The following LRRN2 variants were observed in gnomAD, a reference collection of about 807,000 sequenced individuals.
LRRN2 encodes leucine-rich repeat neuronal protein 2.
In LRRN2, 10 loss-of-function variants were observed where a neutral mutation model predicts 35.7. That is an observed-to-expected ratio of 0.28 (90% CI 0.17 to 0.47). The LOEUF is 0.47. LRRN2 is among the 20% of genes least tolerant of loss of function. LRRN2 has a pLI of 0.99. For missense variants in LRRN2, 731 were observed against 940.3 expected (o/e 0.78, Z 2.91); for synonymous variants, 391 against 409.6 (o/e 0.95, Z 0.55).
chr1:204,618,081 C>T lies in LRRN2; in HGVS notation c.1912G>A (p.Ala638Thr), dbSNP rs758864245. The change falls in exon 2 of 2, where the codon GCT becomes ACT. Residue 638 changes from alanine to threonine, a missense_variant. Coordinates refer to ENST00000367177, the MANE Select transcript of LRRN2 (RefSeq NM_201630.2). ...AGCCCAGCTGCCAGGAGAAGGACAGCGAGAGCCAGGATGGCAATGAGCCCA... is the reference window on the plus strand; with the variant it reads ...AGCCCAGCTGCCAGGAGAAGGACAGTGAGAGCCAGGATGGCAATGAGCCCA... ...RPGLIAILAL[A>T]VLLLAAGLAA... The T allele has an allele frequency of 1.9e-5, 30 of 1,613,914 alleles. No individual in the cohort carries two copies. The highest frequency in any genetic ancestry group is 4.5e-5 in the East Asian group (2 of 44,874).
intron 1 of LRRN2, among the ~76,000 whole-genome samples, chr1:204,652,264 C>CCCCCCCCG (rs1668248857): frequency 9.5e-5 from 1 of 10,544 alleles, no homozygotes; most frequent in Non-Finnish European, 2.6e-4. Context: ...TTCACCGCCC[C>CCCCCCCCG]CCCCCCGCCC....
At chr1:204,629,700 T>C in intron 1 of LRRN2, 1 of 167,192 alleles carries the variant, frequency 6.0e-6, no homozygotes, top group Non-Finnish European at 1.3e-5. Context: ...ATTAAACCTC[T>C]TTTTCTTCCC....
chr1:204,632,919 G>A (rs1439474454), intron 1 of LRRN2, among the ~76,000 whole-genome samples: 1 of 150,840 alleles, frequency 6.6e-6, no homozygotes, highest in Non-Finnish European at 1.5e-5. Context: ...GGGCGACAGA[G>A]CGAGACTCTG....
chr1:204,676,511 T>A (rs1239281146), intron 1 of LRRN2, among the ~76,000 whole-genome samples: 1 of 152,068 alleles, frequency 6.6e-6, no homozygotes, highest in East Asian at 1.9e-4. Context: ...TCTGTTCTCA[T>A]CTCTGCAAGA....
At chr1:204,669,723 C>T (rs1668666400) in intron 1 of LRRN2, among the ~76,000 whole-genome samples, 1 of 127,790 alleles carries the variant, frequency 7.8e-6, no homozygotes. Flanking sequence ...GGCCATGAGG[C>T]CAAAAGGAGC....
rs1666763990 is a variant in LRRN2 at position 204,620,079 on chromosome 1, G to A, written c.-87C>T. ...TTGCAGGGTAAGGGTCAGCAACCCTGCCAGGGCCCAAGGAACCACCCTCCC... is the reference window on the plus strand; with the variant it reads ...TTGCAGGGTAAGGGTCAGCAACCCTACCAGGGCCCAAGGAACCACCCTCCC... On this transcript the variant is annotated 5_prime_UTR_variant, in exon 2 of 2. The change creates a premature stop within an existing upstream ORF in the 5' untranslated region. Coordinates refer to ENST00000367177, the MANE Select transcript of LRRN2 (RefSeq NM_201630.2). 1 of 1,501,094 alleles carries A rather than the reference G, an allele frequency of 6.7e-7. No homozygotes were observed. The highest frequency in any genetic ancestry group is 8.9e-7 in the Non-Finnish European group (1 of 1,122,204). 93.0% of individuals were successfully genotyped at this position (1,501,094 alleles called of 1,614,324 possible).
intron 1 of LRRN2, among the ~76,000 whole-genome samples, chr1:204,653,879 A>G (rs1668287132): frequency 6.6e-6 from 1 of 151,030 alleles, no homozygotes; most frequent in African/African-American, 2.4e-5. Flanking sequence ...AAAAAAAAGA[A>G]AAACTATTTA....
intron 1 of LRRN2, among the ~76,000 whole-genome samples, chr1:204,644,612 C>T (rs1349559548): frequency 6.6e-6 from 1 of 152,224 alleles, no homozygotes; most frequent in Non-Finnish European, 1.5e-5. Context: ...CTTTGTGACA[C>T]CTTCCTTCTC....
chr1:204,619,554 A>G lies in LRRN2; in HGVS notation c.439T>C (p.Tyr147His), dbSNP rs1241402552. The change falls in exon 2 of 2, where the codon TAT becomes CAT. Residue 147 changes from tyrosine to histidine, a missense_variant. Transcript: ENST00000367177. ...CGGTAGAGCTGGTTGTGGTTGAGATAGAGTTCCTGTAGGCTGGCCAGCCCT... is the reference window on the plus strand; with the variant it reads ...CGGTAGAGCTGGTTGTGGTTGAGATGGAGTTCCTGTAGGCTGGCCAGCCCT... ...FAGLASLQEL[Y>H]LNHNQLYRIA... The G allele has an allele frequency of 6.2e-7, 1 of 1,614,216 alleles. No homozygotes were observed. Among genetic ancestry groups the G allele is most frequent in the Non-Finnish European group, 8.5e-7 (1 of 1,180,036 alleles).
At chr1:204,625,708 T>A (rs1181484275) in intron 1 of LRRN2, among the ~76,000 whole-genome samples, 3 of 152,190 alleles carry the variant, frequency 2.0e-5, no homozygotes, top group Non-Finnish European at 2.9e-5. Context: ...TCCTTTTCCA[T>A]GACAAGTTGG....
At chr1:204,680,003 A>G (rs1040055215) in intron 1 of LRRN2, among the ~76,000 whole-genome samples, 58 of 152,272 alleles carry the variant, frequency 3.8e-4, no homozygotes, top group African/African-American at 1.4e-3. Flanking sequence ...AATGGGCTGG[A>G]TGTCCCAGAG....
chr1:204,651,976 C>T (rs1668234995), intron 1 of LRRN2, among the ~76,000 whole-genome samples: 1 of 152,262 alleles, frequency 6.6e-6, no homozygotes, highest in African/African-American at 2.4e-5. Context: ...CCAGGTGTCT[C>T]CCAGTGCCCG....
chr1:204,654,114 C>T (rs145498060), intron 1 of LRRN2, among the ~76,000 whole-genome samples: 8 of 151,442 alleles, frequency 5.3e-5, no homozygotes, highest in Admixed American at 2.0e-4. Context: ...ATTTGAATCT[C>T]GGCAGTCTGG....
intron 1 of LRRN2, among the ~76,000 whole-genome samples, chr1:204,623,535 C>A (rs185406975): frequency 6.6e-6 from 1 of 152,258 alleles, no homozygotes; most frequent in South Asian, 2.1e-4. Flanking sequence ...AAGTCCACCC[C>A]CTCACTGCTG....
At chr1:204,669,973 A>T (rs1668671247) in intron 1 of LRRN2, among the ~76,000 whole-genome samples, 1 of 151,918 alleles carries the variant, frequency 6.6e-6, no homozygotes, top group South Asian at 2.1e-4. Flanking sequence ...AAAGCCAGGG[A>T]ACATTTTTTA....
At chr1:204,621,977 C>T (rs1666926771) in intron 1 of LRRN2, 1 of 167,086 alleles carries the variant, frequency 6.0e-6, no homozygotes, top group East Asian at 1.9e-4. Flanking sequence ...AGCACTAATA[C>T]CTCCAGTTTG....
At position 204,619,005 on chromosome 1, in the gene LRRN2, C is replaced by T. The variant is rs137866730; in HGVS notation, c.988G>A (p.Ala330Thr). 5.6e-6 allele frequency: 9 copies of T among 1,611,330 alleles called. No individual in the cohort carries two copies. Among genetic ancestry groups the T allele is most frequent in the Admixed American group, 1.7e-5 (1 of 59,906 alleles). Reference sequence around the variant, plus strand: ...TCCATCTGGGGCAGGTGGTGGAAGGCGCGGGGGTGGATGAAGGACAGCCGT... The same window carrying T: ...TCCATCTGGGGCAGGTGGTGGAAGGTGCGGGGGTGGATGAAGGACAGCCGT... The part of the protein sequence containing the change: ...NPRLSFIHPR[A>T]FHHLPQMETL... Residue 330 changes from alanine (A) to threonine (T), a missense_variant, in exon 2 of 2, where the codon GCC (alanine) becomes ACC (threonine). By Grantham distance (58) the Ala-to-Thr change is moderately conservative. This residue lies in a region of LRRN2 where 256 missense variants were observed against 392.4 expected (regional missense o/e 0.65). Coordinates refer to ENST00000367177, the MANE Select transcript of LRRN2 (RefSeq NM_201630.2).
At chr1:204,662,634 G>A (rs1668495321) in intron 1 of LRRN2, among the ~76,000 whole-genome samples, 1 of 152,038 alleles carries the variant, frequency 6.6e-6, no homozygotes, top group South Asian at 2.1e-4. Context: ...TCACAAACAT[G>A]TGTGAGGCAG....
chr1:204,673,149 G>T (rs1193867681), intron 1 of LRRN2, among the ~76,000 whole-genome samples: 1 of 152,112 alleles, frequency 6.6e-6, no homozygotes, highest in Non-Finnish European at 1.5e-5. Context: ...CACCAGGAAA[G>T]ACCCACTTGG....
Sources: allele counts gnomAD v4.1 joint callset (sites outside exome capture counted in the v4.1 genomes callset), GRCh38; gene constraint gnomAD v4.1.1; regional missense constraint gnomAD v4.1.1; transcripts MANE v1.5; gene names NCBI Gene and HGNC (gene_info 2026-07-23, HGNC 2026-07-21).